Variants in NAALADL2 observed in about 807,000 individuals in gnomAD.
The protein encoded by NAALADL2 is N-acetylated alpha-linked acidic dipeptidase like 2, also known as inactive N-acetylated-alpha-linked acidic dipeptidase-like protein 2.
NAALADL2 carries 76 observed loss-of-function variants against 87.2 expected under a neutral mutation model. That is an observed-to-expected ratio of 0.87 (90% CI 0.72 to 1.05). The LOEUF (loss-of-function observed/expected upper bound fraction) is 1.05. NAALADL2 is among the 50% of genes least tolerant of loss of function. NAALADL2 has a pLI of 0.00. For missense variants in NAALADL2, 1,089 were observed against 945.8 expected (o/e 1.15, Z -1.99); for synonymous variants, 354 against 331.0 (o/e 1.07, Z -0.75).
chr3:175,384,817 C>A (rs935428709), intron 5 of NAALADL2, among the ~76,000 whole-genome samples: 5 of 144,652 alleles, frequency 3.5e-5, no homozygotes, highest in Non-Finnish European at 7.7e-5. Flanking sequence ...ATTTTATTAC[C>A]AGTTTTATTT....
intron 11 of NAALADL2, among the ~76,000 whole-genome samples, chr3:175,713,881 G>A (rs539207234): frequency 4.0e-5 from 6 of 151,850 alleles, no homozygotes; most frequent in African/African-American, 1.4e-4. Context: ...CCCTTCTCTA[G>A]CCCCCCACTC....
chr3:175,004,329 T>C (rs1332124864), intron 1 of NAALADL2, among the ~76,000 whole-genome samples: 1 of 138,152 alleles, frequency 7.2e-6, no homozygotes, highest in East Asian at 2.3e-4. Flanking sequence ...CAGTGAGCCA[T>C]GTTCACGCCT....
intron 13 of NAALADL2, chr3:175,773,611 T>C (rs1354442727): frequency 1.3e-5 from 2 of 152,138 alleles, no homozygotes; most frequent in African/African-American, 4.8e-5. Context: ...GTAGCTCTCT[T>C]TCTGGTACAG....
chr3:175,012,309 T>C (rs749767180), intron 1 of NAALADL2, among the ~76,000 whole-genome samples: 2 of 151,676 alleles, frequency 1.3e-5, no homozygotes, highest in Non-Finnish European at 2.9e-5. Context: ...GGATTACAGG[T>C]ATATGCCACC....
At chr3:174,557,711 T>A in intron 2 of NAALADL2, among the ~76,000 whole-genome samples, 1 of 151,800 alleles carries the variant, frequency 6.6e-6, no homozygotes, top group East Asian at 1.9e-4. Flanking sequence ...TTTTTTTTTG[T>A]TCTTCTTTAA....
chr3:175,676,064 A>G (rs1253559438), intron 11 of NAALADL2: 2 of 152,142 alleles, frequency 1.3e-5, no homozygotes, highest in African/African-American at 4.8e-5. Flanking sequence ...GTAAAAACCC[A>G]TATCAAGTAT....
At chr3:174,930,352 T>C (rs16865985) in intron 1 of NAALADL2, among the ~76,000 whole-genome samples, 1,570 of 152,102 alleles carry the variant, frequency 0.01, 26 homozygotes, top group African/African-American at 0.036. Flanking sequence ...TTGCGCTACA[T>C]GTATGGACTT....
intron 9 of NAALADL2, among the ~76,000 whole-genome samples, chr3:175,555,398 G>T (rs1458280480): frequency 6.6e-6 from 1 of 152,136 alleles, no homozygotes; most frequent in Non-Finnish European, 1.5e-5. Flanking sequence ...TATTGCCACA[G>T]ATTTCTTATC....
At chr3:175,495,332 C>T (rs372153777) in intron 9 of NAALADL2, among the ~76,000 whole-genome samples, 9 of 151,980 alleles carry the variant, frequency 5.9e-5, no homozygotes, top group Non-Finnish European at 8.8e-5. Flanking sequence ...AGATAAGGCT[C>T]ACTCCATCCT....
chr3:175,720,979 G>T (rs1351825425), intron 11 of NAALADL2, among the ~76,000 whole-genome samples: 1 of 151,946 alleles, frequency 6.6e-6, no homozygotes, highest in Admixed American at 6.6e-5. Context: ...AAGAACTAAT[G>T]GTGTGCCAAA....
At chr3:175,194,460 G>A (rs1398960050) in intron 2 of NAALADL2, among the ~76,000 whole-genome samples, 1 of 151,868 alleles carries the variant, frequency 6.6e-6, no homozygotes, top group African/African-American at 2.4e-5. Flanking sequence ...TTAGCAATGT[G>A]AAAATTACAG....
intron 2 of NAALADL2, among the ~76,000 whole-genome samples, chr3:175,105,997 G>C (rs1035178718): frequency 3.3e-5 from 5 of 152,014 alleles, no homozygotes; most frequent in Non-Finnish European, 7.4e-5. Flanking sequence ...TTCAGGAAGA[G>C]GTTGTCTCAG....
intron 5 of NAALADL2, among the ~76,000 whole-genome samples, chr3:175,333,754 ACATT>A (rs1292997726): frequency 2.6e-5 from 4 of 152,182 alleles, no homozygotes; most frequent in Non-Finnish European, 5.9e-5. Flanking sequence ...ATAATTTCTA[ACATT>A]CAGTATCAGT....
chr3:175,133,181 G>T (rs1192231248), intron 2 of NAALADL2, among the ~76,000 whole-genome samples: 1 of 150,846 alleles, frequency 6.6e-6, no homozygotes, highest in Non-Finnish European at 1.5e-5. Context: ...GGGAAGAGGC[G>T]CTCCTCACTT....
intron 10 of NAALADL2, among the ~76,000 whole-genome samples, chr3:175,583,902 A>C (rs1455008528): frequency 1.3e-5 from 2 of 152,238 alleles, no homozygotes; most frequent in African/African-American, 4.8e-5. Context: ...TAGAGCAAGG[A>C]AAATTATATT....
chr3:174,953,216 C>T (rs999521556), intron 1 of NAALADL2, among the ~76,000 whole-genome samples: 3 of 150,512 alleles, frequency 2.0e-5, no homozygotes, highest in African/African-American at 7.3e-5. Context: ...ACCTCAACTG[C>T]TTTGCTACAT....
chr3:175,058,189 G>A (rs1392574905), intron 1 of NAALADL2, among the ~76,000 whole-genome samples: 1 of 152,122 alleles, frequency 6.6e-6, no homozygotes, highest in Admixed American at 6.5e-5. Context: ...TTAGTTTGAA[G>A]GAAAGGGAAA....
intron 1 of NAALADL2, among the ~76,000 whole-genome samples, chr3:174,490,547 G>A (rs1029889127): frequency 4.1e-4 from 63 of 152,114 alleles, no homozygotes; most frequent in African/African-American, 1.3e-3. Context: ...TGTGTTGTAT[G>A]TGAATTAGAT....
chr3:175,036,202 C>G (rs1318154700), intron 1 of NAALADL2, among the ~76,000 whole-genome samples: 3 of 151,952 alleles, frequency 2.0e-5, no homozygotes, highest in Non-Finnish European at 2.9e-5. Flanking sequence ...CTTCGTTTAT[C>G]TTTTTCTTAC....
Sources: gnomAD v4.1 joint callset for allele counts (sites outside exome capture counted in the v4.1 genomes callset) on GRCh38, gnomAD v4.1.1 for gene constraint, MANE v1.5 for transcripts, NCBI Gene and HGNC (gene_info 2026-07-23, HGNC 2026-07-21) for gene names.